Variants in STPG2 observed in about 807,000 individuals in gnomAD.
STPG2 encodes the protein sperm tail PG-rich repeat containing 2.
A neutral mutation model predicts 54.2 loss-of-function variants in STPG2; 56 were observed. The ratio of observed to expected loss-of-function variants is 1.03; its 90% CI spans 0.83 to 1.29. STPG2 has a LOEUF of 1.29. STPG2 is among the 50% of genes most tolerant of loss of function. The pLI, the probability that STPG2 is intolerant of heterozygous loss-of-function variation, is 0.00. For missense variants in STPG2, 596 were observed against 544.9 expected, an observed-to-expected ratio of 1.09 and a Z score of -0.93; for synonymous variants, 200 against 181.8, an observed-to-expected ratio of 1.10 and a Z score of -0.81.
intron 4 of STPG2, among the ~76,000 whole-genome samples, chr4:97,472,161 T>C (rs1334691166): frequency 6.6e-6 from 1 of 152,126 alleles, no homozygotes; most frequent in Non-Finnish European, 1.5e-5. Context: ...CCCAGAAAAC[T>C]GAAGGGATAA....
chr4:97,916,164 A>G (rs779007598), intron 8 of STPG2, among the ~76,000 whole-genome samples: 2 of 152,204 alleles, frequency 1.3e-5, no homozygotes, highest in Non-Finnish European at 2.9e-5. Flanking sequence ...TGTTTGGACA[A>G]TAAGCTATAT....
At chr4:97,874,874 T>G (rs1272245627) in intron 8 of STPG2, among the ~76,000 whole-genome samples, 1 of 151,806 alleles carries the variant, frequency 6.6e-6, no homozygotes, top group African/African-American at 2.4e-5. Context: ...GTTATGACTC[T>G]CTCCGCCATA....
intron 5 of STPG2, among the ~76,000 whole-genome samples, chr4:98,010,721 C>A (rs1296209117): frequency 1.3e-5 from 2 of 152,070 alleles, no homozygotes; most frequent in Admixed American, 6.6e-5. Flanking sequence ...TTCTTTCTCT[C>A]TTGCTGTCTT....
chr4:98,042,365 G>A (rs1264322708), intron 5 of STPG2, among the ~76,000 whole-genome samples: 1 of 151,000 alleles, frequency 6.6e-6, no homozygotes, highest in Non-Finnish European at 1.5e-5. Flanking sequence ...CCTTTTGCTA[G>A]CTTTGGGTTT....
rs117530327 is a variant in STPG2 at position 97,966,778 on chromosome 4, T to A, written c.933+5502A>T. 1.5e-3 allele frequency among the ~76,000 whole-genome samples: 227 copies of A among 152,182 alleles called. 5 individuals carry two copies. In the East Asian group the frequency reaches 0.043, roughly 29 times the overall value. ...TCATATCCAGCCAAACTAAGCTTCA[T>A]AAGTAAAAAAGAAATAAAATCCTTA... On this transcript the variant is annotated intron_variant, in intron 7 of 10. Coordinates refer to ENST00000295268, the MANE Select transcript of STPG2 (RefSeq NM_174952.3).
intron 4 of STPG2, among the ~76,000 whole-genome samples, chr4:97,498,116 T>C (rs1730649227): frequency 6.6e-6 from 1 of 151,912 alleles, no homozygotes; most frequent in South Asian, 2.1e-4. Flanking sequence ...GGCATTTGTT[T>C]TGTAAATTGA....
chr4:98,114,480 A>C (rs1739451953), intron 3 of STPG2, among the ~76,000 whole-genome samples: 1 of 152,104 alleles, frequency 6.6e-6, no homozygotes, highest in Non-Finnish European at 1.5e-5. Context: ...TTGTCAAAAA[A>C]TCAGTATTTT....
chr4:97,863,207 A>C (rs2149143641), intron 8 of STPG2, among the ~76,000 whole-genome samples: 1 of 152,328 alleles, frequency 6.6e-6, no homozygotes, highest in Admixed American at 6.5e-5. Flanking sequence ...TAGCAAGACT[A>C]ATAAAGAAGA....
intron 3 of STPG2, among the ~76,000 whole-genome samples, chr4:98,122,015 C>A (rs569795285): frequency 6.6e-6 from 1 of 152,048 alleles, no homozygotes; most frequent in South Asian, 2.1e-4. Flanking sequence ...CCACCACACT[C>A]GACCAAATGC....
chr4:97,863,591 C>T (rs1729645849), intron 8 of STPG2, among the ~76,000 whole-genome samples: 1 of 152,188 alleles, frequency 6.6e-6, no homozygotes, highest in Non-Finnish European at 1.5e-5. Context: ...CTCCCTAACT[C>T]ATTTTATGAG....
intron 10 of STPG2, chr4:97,572,789 G>C (rs1396840279): frequency 6.6e-6 from 1 of 151,982 alleles, no homozygotes; most frequent in Non-Finnish European, 1.5e-5. Flanking sequence ...ATTCATTTCT[G>C]GTTTATATGG....
At chr4:97,849,589 C>A (rs1274669193) in intron 8 of STPG2, among the ~76,000 whole-genome samples, 2 of 152,088 alleles carry the variant, frequency 1.3e-5, no homozygotes, top group African/African-American at 2.4e-5. Context: ...AAACAAACAA[C>A]CCCATCAAAA....
intron 7 of STPG2, among the ~76,000 whole-genome samples, chr4:97,946,477 T>A (rs1733227908): frequency 6.6e-6 from 1 of 152,188 alleles, no homozygotes; most frequent in South Asian, 2.1e-4. Flanking sequence ...CCTAAGCCAA[T>A]GTCCAGAAGA....
Position 97,972,310 on chromosome 4 carries a change from A to G in STPG2, c.903T>C (p.Ala301=), listed in dbSNP as rs750632716. The change falls in exon 7 of 11, where the codon GCT becomes GCC. Residue 301 remains alanine, a synonymous_variant. Transcript: ENST00000295268. The part of the protein sequence containing the change: ...PRTFFSVQKE[A]CATPGPADYQ... ...AATCAGCAGGTCCAGGGGTAGCACAAGCTTCTTTCTGAACCGAGAAGAAAG... is the reference window on the plus strand; with the variant it reads ...AATCAGCAGGTCCAGGGGTAGCACAGGCTTCTTTCTGAACCGAGAAGAAAG... The G allele has an allele frequency of 1.2e-6, 2 of 1,604,122 alleles. No homozygotes were observed. The highest frequency in any genetic ancestry group is 1.1e-5 in the South Asian group (1 of 88,966).
chr4:97,670,306 A>G (rs1722660554), intron 10 of STPG2, among the ~76,000 whole-genome samples: 1 of 152,184 alleles, frequency 6.6e-6, no homozygotes, highest in Admixed American at 6.5e-5. Context: ...TACACATATA[A>G]TTAAAATCAA....
chr4:97,529,410 T>C (rs1731363022), intron 4 of STPG2, among the ~76,000 whole-genome samples: 1 of 152,132 alleles, frequency 6.6e-6, no homozygotes, highest in African/African-American at 2.4e-5. Context: ...ATTTTTGCAT[T>C]GACATTCATC....
intron 10 of STPG2, among the ~76,000 whole-genome samples, chr4:97,687,918 A>T (rs1723249617): frequency 6.6e-6 from 1 of 152,146 alleles, no homozygotes; most frequent in Non-Finnish European, 1.5e-5. Context: ...AGAGTATATT[A>T]AAGGATAAAA....
chr4:97,625,739 G>A (rs1010898561), intron 10 of STPG2, among the ~76,000 whole-genome samples: 1 of 152,196 alleles, frequency 6.6e-6, no homozygotes, highest in Non-Finnish European at 1.5e-5. Flanking sequence ...GTGCAAGGAA[G>A]AATCTCTAAC....
intron 9 of STPG2, among the ~76,000 whole-genome samples, chr4:97,823,503 A>G (rs1348217823): frequency 6.6e-6 from 1 of 152,224 alleles, no homozygotes; most frequent in Admixed American, 6.5e-5. Flanking sequence ...TTTTCAAAGT[A>G]TTACTACTCA....
Sources: gnomAD v4.1 joint callset for allele counts (sites outside exome capture counted in the v4.1 genomes callset) on GRCh38, gnomAD v4.1.1 for gene constraint, MANE v1.5 for transcripts, NCBI Gene and HGNC (gene_info 2026-07-23, HGNC 2026-07-21) for gene names.